AGBL4: variants seen among roughly 807,000 people sequenced by gnomAD.
AGBL4 encodes cytosolic carboxypeptidase 6.
In AGBL4, 58 loss-of-function variants were observed where a neutral mutation model predicts 66.4. The ratio of observed to expected loss-of-function variants is 0.87; its 90% CI spans 0.71 to 1.09. The LOEUF is 1.09. Ranked by LOEUF, AGBL4 falls within the 50% of genes least tolerant of loss-of-function variation. AGBL4 has a pLI of 0.00. For missense variants in AGBL4, 579 were observed against 631.0 expected (o/e 0.92, Z 0.88); for synonymous variants, 234 against 222.9 (o/e 1.05, Z -0.44).
chr1:49,721,174 G>GA (rs1442034622), intron 2 of AGBL4, among the ~76,000 whole-genome samples: 1 of 151,924 alleles, frequency 6.6e-6, no homozygotes, highest in Admixed American at 6.6e-5. Flanking sequence ...AGGGAGGATT[G>GA]AAAAAAAGGC....
intron 6 of AGBL4, among the ~76,000 whole-genome samples, chr1:48,843,476 T>C (rs1646848639): frequency 6.6e-6 from 1 of 152,170 alleles, no homozygotes; most frequent in Non-Finnish European, 1.5e-5. Flanking sequence ...CATGACCACC[T>C]GTTTTTGTAT....
chr1:49,534,858 A>T (rs974355108), intron 3 of AGBL4, among the ~76,000 whole-genome samples: 1 of 152,254 alleles, frequency 6.6e-6, no homozygotes. Context: ...CTGCTGATGG[A>T]TAAAAGTTGC....
At chr1:49,933,669 C>A (rs1398319994) in intron 1 of AGBL4, among the ~76,000 whole-genome samples, 2 of 151,958 alleles carry the variant, frequency 1.3e-5, no homozygotes, top group Non-Finnish European at 2.9e-5. Flanking sequence ...AATAAAAGTG[C>A]AGTTTTGTAA....
chr1:49,238,164 G>A (rs538500198), intron 4 of AGBL4, among the ~76,000 whole-genome samples: 9 of 151,520 alleles, frequency 5.9e-5, no homozygotes, highest in Admixed American at 3.3e-4. Context: ...GACATTTCTC[G>A]GCATGGATTT....
intron 4 of AGBL4, among the ~76,000 whole-genome samples, chr1:49,061,376 C>T (rs1644398772): frequency 6.6e-6 from 1 of 152,118 alleles, no homozygotes; most frequent in Non-Finnish European, 1.5e-5. Context: ...AGTCTCCAGA[C>T]AGCAGGTGAG....
chr1:48,931,825 C>G (rs1246479214), intron 5 of AGBL4, among the ~76,000 whole-genome samples: 2 of 152,150 alleles, frequency 1.3e-5, no homozygotes, highest in South Asian at 2.1e-4. Context: ...GCATTTTTTT[C>G]TTCACAGCAT....
At chr1:49,940,623 T>C (rs1327118871) in intron 1 of AGBL4, among the ~76,000 whole-genome samples, 2 of 152,176 alleles carry the variant, frequency 1.3e-5, no homozygotes, top group Non-Finnish European at 1.5e-5. Flanking sequence ...ACACCGCATG[T>C]TCTCACTCAT....
chr1:49,215,837 T>C (rs1289512792), intron 4 of AGBL4, among the ~76,000 whole-genome samples: 1 of 152,038 alleles, frequency 6.6e-6, no homozygotes, highest in African/African-American at 2.4e-5. Flanking sequence ...TTCCCCCAAT[T>C]TTTTCCTCCT....
intron 9 of AGBL4, among the ~76,000 whole-genome samples, chr1:48,594,342 AT>A (rs916163770): frequency 9.8e-4 from 150 of 152,300 alleles, no homozygotes; most frequent in African/African-American, 3.2e-3. Context: ...AAATAAATAA[AT>A]AATAAAATAA....
At chr1:49,787,533 C>G (rs574416033) in intron 2 of AGBL4, among the ~76,000 whole-genome samples, 2 of 151,948 alleles carry the variant, frequency 1.3e-5, no homozygotes, top group African/African-American at 4.8e-5. Context: ...GAAACCAACC[C>G]CAGACAAAAA....
At chr1:48,694,134 A>G (rs1031684072) in intron 6 of AGBL4, among the ~76,000 whole-genome samples, 2 of 151,164 alleles carry the variant, frequency 1.3e-5, no homozygotes, top group Non-Finnish European at 2.9e-5. Flanking sequence ...GACTCTTGAT[A>G]TACTAACACA....
intron 9 of AGBL4, among the ~76,000 whole-genome samples, chr1:48,607,167 G>A (rs976161430): frequency 1.2e-4 from 18 of 151,884 alleles, no homozygotes; most frequent in Non-Finnish European, 2.2e-4. Context: ...CATATTCTAG[G>A]GCTGTGCTGT....
At position 49,417,260 on chromosome 1, in the gene AGBL4, G is replaced by A. The variant is rs576561856; in HGVS notation, c.283-171396C>T. Among the ~76,000 whole-genome samples, 10 of 152,120 alleles carry A rather than the reference G, an allele frequency of 6.6e-5. No homozygotes were observed. The South Asian group carries it at 8.3e-4, about 13-fold the overall frequency. On this transcript the variant is annotated intron_variant, in intron 3 of 13. Coordinates refer to ENST00000371839, the MANE Select transcript of AGBL4 (RefSeq NM_032785.4). Reference sequence around the variant, plus strand: ...TTCAAAGCTAAAGGAGGTTAATCAAGCAGTTCATTAAACTAAAGGAATACA... The same window carrying A: ...TTCAAAGCTAAAGGAGGTTAATCAAACAGTTCATTAAACTAAAGGAATACA...
At chr1:48,530,194 TA>T (rs949446322), downstream of AGBL4, among the ~76,000 whole-genome samples, 1 of 151,990 alleles carries the variant, frequency 6.6e-6, no homozygotes, top group Non-Finnish European at 1.5e-5. Context: ...CACATGGGTG[TA>T]AAAAAAAGGT....
rs574605248 is a variant in AGBL4, at chr1:49,637,711, C to T, written c.282+59602G>A. 4.6e-5 allele frequency among the ~76,000 whole-genome samples: 7 copies of T among 151,988 alleles called. No homozygotes were observed. In the East Asian group the frequency reaches 1.4e-3, roughly 29 times the overall value. On this transcript the variant is annotated intron_variant, in intron 3 of 13. Coordinates refer to ENST00000371839, the MANE Select transcript of AGBL4 (RefSeq NM_032785.4). ...TCATTATGAATATTTATCTGTTACA[C>T]AGACTGAAAAAATCTTTCTAAACCT...
intron 3 of AGBL4, among the ~76,000 whole-genome samples, chr1:49,623,077 A>G (rs1375150473): frequency 5.3e-5 from 8 of 152,204 alleles, no homozygotes; most frequent in Admixed American, 5.2e-4. Flanking sequence ...GGATACAGAA[A>G]CTTAGTTTAA....
At chr1:49,719,677 G>A (rs1193577910) in intron 2 of AGBL4, among the ~76,000 whole-genome samples, 1 of 152,082 alleles carries the variant, frequency 6.6e-6, no homozygotes, top group African/African-American at 2.4e-5. Flanking sequence ...AGCCTTTTAT[G>A]TGATTTGGCT....
At chr1:48,740,809 T>C (rs1197690059) in intron 6 of AGBL4, among the ~76,000 whole-genome samples, 2 of 152,194 alleles carry the variant, frequency 1.3e-5, no homozygotes, top group Non-Finnish European at 2.9e-5. Context: ...ACTTCTGGGA[T>C]GTGGAGATGC....
Position 49,845,153 on chromosome 1 carries a change from G to T in AGBL4, c.157+6243C>A, listed in dbSNP as rs537118661. 1.9e-5 allele frequency: 26 copies of T among 1,400,146 alleles called. No individual in the cohort carries two copies. The South Asian group carries it at 3.0e-4, about 16-fold the overall frequency. The allele number at this position is 1,400,146 out of a possible 1,614,324, so 86.7% of individuals were successfully genotyped here. On this transcript the variant is annotated intron_variant, in intron 2 of 13. Coordinates refer to ENST00000371839, the MANE Select transcript of AGBL4 (RefSeq NM_032785.4). Reference sequence around the variant, plus strand: ...CACCACCGTACGCATACAGGACAGAGACCTTATGAATGTCACAAATGAGGA... The same window carrying T: ...CACCACCGTACGCATACAGGACAGATACCTTATGAATGTCACAAATGAGGA...
Sources: allele counts gnomAD v4.1 joint callset (sites outside exome capture counted in the v4.1 genomes callset), GRCh38; gene constraint gnomAD v4.1.1; transcripts MANE v1.5; gene names NCBI Gene and HGNC (gene_info 2026-07-23, HGNC 2026-07-21).